CSRNP3: variants seen among roughly 807,000 people sequenced by gnomAD.
The protein encoded by CSRNP3 is cysteine and serine rich nuclear protein 3, also known as cysteine/serine-rich nuclear protein 3.
Under a neutral mutation model 48.0 loss-of-function variants are expected in CSRNP3, and 12 were observed. The ratio of observed to expected loss-of-function variants is 0.25; its 90% CI spans 0.16 to 0.41. CSRNP3 has a LOEUF of 0.41. CSRNP3 is among the 10% of genes least tolerant of loss of function. The pLI, the probability that CSRNP3 is intolerant of heterozygous loss-of-function variation, is 1.00. For synonymous variants in CSRNP3, 263 were observed against 269.7 expected (o/e 0.98, Z 0.24); for missense variants, 580 against 724.4 (o/e 0.80, Z 2.29).
At chr2:165,584,712 A>C (rs181099595) in intron 3 of CSRNP3, among the ~76,000 whole-genome samples, 11 of 152,314 alleles carry the variant, frequency 7.2e-5, no homozygotes, top group Non-Finnish European at 1.5e-4. Context: ...GATTTTATGA[A>C]ACCTACTAAA....
rs374031933 is a variant in CSRNP3, at chr2:165,658,052, C to G, written c.408+32C>G. 5.5e-5 allele frequency: 87 copies of G among 1,592,006 alleles called. No individual in the cohort carries two copies. The South Asian group carries it at 8.8e-4, about 16-fold the overall frequency. On this transcript the variant is annotated intron_variant, in intron 5 of 6. Coordinates refer to ENST00000651982, the MANE Select transcript of CSRNP3 (RefSeq NM_001172173.2). Reference sequence around the variant, plus strand: ...AACAAACTCATTTTCTGCAAAGTCTCATATCCTTACAGCAATTTGATTGAG... The same window carrying G: ...AACAAACTCATTTTCTGCAAAGTCTGATATCCTTACAGCAATTTGATTGAG...
intron 2 of CSRNP3, among the ~76,000 whole-genome samples, chr2:165,515,268 G>A (rs1350306378): frequency 1.3e-5 from 2 of 150,222 alleles, no homozygotes; most frequent in Non-Finnish European, 3.0e-5. Flanking sequence ...AGGTTGCAGT[G>A]AGCCAGTTGC....
At chr2:165,515,141 A>T (rs1242236098) in intron 2 of CSRNP3, among the ~76,000 whole-genome samples, 1 of 140,226 alleles carries the variant, frequency 7.1e-6, no homozygotes, top group Non-Finnish European at 1.5e-5. Flanking sequence ...AACATGGTGA[A>T]ACCCCGTCTC....
chr2:165,491,873 C>T (rs1231392558), intron 1 of CSRNP3, among the ~76,000 whole-genome samples: 5 of 138,140 alleles, frequency 3.6e-5, no homozygotes, highest in Admixed American at 1.5e-4. Context: ...GTGGGTGCAG[C>T]GCACCAGCAT....
chr2:165,523,245 T>C (rs1323807136), intron 3 of CSRNP3, among the ~76,000 whole-genome samples: 2 of 152,224 alleles, frequency 1.3e-5, no homozygotes, highest in Non-Finnish European at 2.9e-5. Flanking sequence ...CTGAGACCTT[T>C]TGCCATTAAT....
intron 4 of CSRNP3, among the ~76,000 whole-genome samples, chr2:165,611,060 G>C (rs954504676): frequency 2.6e-5 from 4 of 152,080 alleles, no homozygotes; most frequent in Non-Finnish European, 5.9e-5. Flanking sequence ...ATTTATCAAG[G>C]ACAATTTGCT....
intron 4 of CSRNP3, among the ~76,000 whole-genome samples, chr2:165,642,109 C>T (rs1486241565): frequency 1.1e-5 from 1 of 91,846 alleles, no homozygotes; most frequent in Admixed American, 1.0e-4. Flanking sequence ...CACAAACACA[C>T]ACACACACAC....
chr2:165,535,580 G>T (rs1316399140), intron 3 of CSRNP3, among the ~76,000 whole-genome samples: 3 of 151,868 alleles, frequency 2.0e-5, no homozygotes, highest in Non-Finnish European at 2.9e-5. Flanking sequence ...AAGCTTACTT[G>T]CAGGGAAAGG....
At chr2:165,521,173 CAA>C (rs1348766008) in intron 3 of CSRNP3, among the ~76,000 whole-genome samples, 3 of 135,604 alleles carry the variant, frequency 2.2e-5, no homozygotes, top group Non-Finnish European at 1.6e-5. Context: ...ATGGGAAAGC[CAA>C]AAAAAAAAAG....
intron 4 of CSRNP3, among the ~76,000 whole-genome samples, chr2:165,650,841 C>T (rs541467243): frequency 2.0e-5 from 3 of 152,310 alleles, no homozygotes; most frequent in East Asian, 3.9e-4. Flanking sequence ...TCCTTTTGAT[C>T]AGCTTAAGAG....
intron 3 of CSRNP3, chr2:165,574,142 A>T (rs1027357476): frequency 2.0e-6 from 1 of 498,902 alleles, no homozygotes; most frequent in African/African-American, 2.0e-5. Flanking sequence ...AGCCTGGCAG[A>T]ACCGCAGTTC....
chr2:165,610,904 G>T (rs1054762841), intron 4 of CSRNP3, among the ~76,000 whole-genome samples: 1 of 152,110 alleles, frequency 6.6e-6, no homozygotes, highest in African/African-American at 2.4e-5. Flanking sequence ...GGAAATAGTC[G>T]CAACAAGTGT....
At chr2:165,541,654 C>T (rs1684959222) in intron 3 of CSRNP3, among the ~76,000 whole-genome samples, 1 of 152,042 alleles carries the variant, frequency 6.6e-6, no homozygotes. Flanking sequence ...AATCTAAATG[C>T]AATTATACAA....
intron 3 of CSRNP3, among the ~76,000 whole-genome samples, chr2:165,524,462 G>A (rs115530069): frequency 0.013 from 1,933 of 152,158 alleles, 16 homozygotes; most frequent in African/African-American, 0.035. Context: ...TCATTTATTC[G>A]TTTTTAAACT....
chr2:165,500,959 G>A (rs1684351120), intron 2 of CSRNP3, among the ~76,000 whole-genome samples: 1 of 152,016 alleles, frequency 6.6e-6, no homozygotes, highest in African/African-American at 2.4e-5. Context: ...CTCCAAAGAT[G>A]CTGTCCATTA....
chr2:165,504,206 A>G (rs1684395563), intron 2 of CSRNP3, among the ~76,000 whole-genome samples: 2 of 152,084 alleles, frequency 1.3e-5, no homozygotes, highest in African/African-American at 4.8e-5. Flanking sequence ...CACATAAAAA[A>G]GAGATAATAA....
chr2:165,649,962 G>A (rs1283399258), intron 4 of CSRNP3, among the ~76,000 whole-genome samples: 4 of 151,926 alleles, frequency 2.6e-5, no homozygotes, highest in African/African-American at 9.7e-5. Flanking sequence ...TTTTGTTTGT[G>A]ATTGTTAGTA....
At chr2:165,565,746 T>A (rs1223234481) in intron 3 of CSRNP3, among the ~76,000 whole-genome samples, 2 of 152,038 alleles carry the variant, frequency 1.3e-5, no homozygotes, top group African/African-American at 4.8e-5. Context: ...AGAAATCTAA[T>A]TTATTTCTTG....
intron 3 of CSRNP3, among the ~76,000 whole-genome samples, chr2:165,559,224 A>C (rs1685199281): frequency 6.6e-6 from 1 of 152,200 alleles, no homozygotes. Context: ...CTACTTTGCC[A>C]CTTTTGTTAA....
Sources: allele counts gnomAD v4.1 joint callset (sites outside exome capture counted in the v4.1 genomes callset), GRCh38; gene constraint gnomAD v4.1.1; transcripts MANE v1.5; gene names NCBI Gene and HGNC (gene_info 2026-07-23, HGNC 2026-07-21).